Variants in PLEKHG5 observed in about 807,000 individuals in gnomAD.
PLEKHG5 encodes the protein pleckstrin homology domain-containing family G member 5.
In PLEKHG5, 52 loss-of-function variants were observed where a neutral mutation model predicts 103.8. The observed-to-expected ratio is 0.50, with a 90% CI of 0.40 to 0.63. PLEKHG5 has a LOEUF of 0.63. Among genes scored for constraint, PLEKHG5 ranks in the 30% least tolerant of loss-of-function variants. PLEKHG5 has a pLI of 0.00. For synonymous variants in PLEKHG5, 592 were observed against 575.5 expected (o/e 1.03, Z -0.41); for missense variants, 1,205 against 1,347.6 (o/e 0.89, Z 1.66).
At chr1:6,511,546 C>G (rs1172020208) in intron 1 of PLEKHG5, among the ~76,000 whole-genome samples, 6 of 152,250 alleles carry the variant, frequency 3.9e-5, no homozygotes, top group Non-Finnish European at 7.3e-5. Flanking sequence ...GCCCCCAAGA[C>G]AGGAGGGATC....
chr1:6,475,274 C>CT (rs1258707053), intron 4 of PLEKHG5, 136 bp from the exon 5 acceptor site: 6 of 659,544 alleles, frequency 9.1e-6, no homozygotes, highest in Admixed American at 8.4e-5. Context: ...CCCAACCCTC[C>CT]TCCCCACCCT....
intron 6 of PLEKHG5, 100 bp from the exon 7 acceptor site, chr1:6,474,264 G>T: frequency 6.8e-7 from 1 of 1,460,148 alleles, no homozygotes; most frequent in Non-Finnish European, 9.4e-7. Context: ...AGGCCTGCCT[G>T]CCCTCCCCCG....
intron 1 of PLEKHG5, among the ~76,000 whole-genome samples, chr1:6,478,832 C>G (rs1557752510): frequency 6.6e-6 from 1 of 152,050 alleles, no homozygotes; most frequent in African/African-American, 2.4e-5. Flanking sequence ...TTAGTAGAGA[C>G]GGAGTTTCAC....
upstream of PLEKHG5, chr1:6,497,254 G>A (rs1352965654): frequency 1.1e-6 from 1 of 888,678 alleles, no homozygotes; most frequent in Non-Finnish European, 1.8e-6. This position sits in a 1 kb window ranked among gnomAD's most constrained non-coding sequence, Gnocchi z 6.1. Context: ...CCCCGGAGGA[G>A]GTTAGGAGCC....
chr1:6,511,542 A>G (rs1428717288), intron 1 of PLEKHG5, among the ~76,000 whole-genome samples: 2 of 152,210 alleles, frequency 1.3e-5, no homozygotes, highest in East Asian at 1.9e-4. Context: ...CACCGCCCCC[A>G]AGACAGGAGG....
chr1:6,487,051 C>T lies in PLEKHG5; in HGVS notation c.-88+4586G>A, dbSNP rs1645054888. ...ATTAGAGGCTGGGAGACTTCCAGGG[C>T]TGTCTCCACTCCCAAAGCCCAGGTC... On this transcript the variant is annotated intron_variant, in intron 1 of 20. Coordinates refer to ENST00000377728, the MANE Select transcript of PLEKHG5 (RefSeq NM_020631.6). The surrounding 1 kb of genome is among the most constrained non-coding windows in gnomAD (Gnocchi z 4.1). Among the ~76,000 whole-genome samples, 1 of 152,206 alleles carries T rather than the reference C, an allele frequency of 6.6e-6. No individual in the cohort carries two copies. The highest frequency in any genetic ancestry group is 2.4e-5 in the African/African-American group (1 of 41,454).
In PLEKHG5 at chr1:6,475,897, C is replaced by T. The variant is rs1644752792; in HGVS notation, c.149+34G>A. On this transcript the variant is annotated intron_variant, in intron 3 of 20. Transcript: ENST00000377728. Reference sequence around the variant, plus strand: ...TCTGAGACCCAGCCGTGGGGCCCTCCAGGTATCTCTCTGCCCACTCATCCC... The same window carrying T: ...TCTGAGACCCAGCCGTGGGGCCCTCTAGGTATCTCTCTGCCCACTCATCCC... 5 of 1,546,724 alleles carry T rather than the reference C, an allele frequency of 3.2e-6. No individual in the cohort carries two copies. The South Asian group carries it at 5.6e-5, about 17-fold the overall frequency.
Position 6,467,510 on chromosome 1 carries a change from GC to G in PLEKHG5, c.*52del, listed in dbSNP as rs1469578115. On this transcript the variant is annotated 3_prime_UTR_variant, in exon 21 of 21. Coordinates refer to ENST00000377728, the MANE Select transcript of PLEKHG5 (RefSeq NM_020631.6). ...AGCAGGTGCCGGCACGCCCCAGGAG[GC>G]AGGCTGTCTGCTGTCTCTTGGTCAA... 1 of 1,582,974 alleles carries G rather than the reference GC, an allele frequency of 6.3e-7. No individual in the cohort carries two copies. The highest frequency in any genetic ancestry group is 8.7e-7 in the Non-Finnish European group (1 of 1,152,158).
upstream of PLEKHG5, chr1:6,497,348 GGGCGGGC>G (rs1399343441): frequency 1.3e-5 from 14 of 1,045,550 alleles, no homozygotes; most frequent in Non-Finnish European, 1.6e-5. The surrounding 1 kb of genome is among the most constrained non-coding windows in gnomAD (Gnocchi z 6.1). Flanking sequence ...GCCGCGCGGG[GGGCGGGC>G]GGCGGGCGGG....
intron 1 of PLEKHG5, 29 bp from the exon 2 acceptor site, chr1:6,477,687 G>T: frequency 6.3e-7 from 1 of 1,599,218 alleles, no homozygotes; most frequent in Admixed American, 1.7e-5. Flanking sequence ...CCTTCAGGAG[G>T]TCCACGAGAT....
At chr1:6,497,639 CCTGGAGGGT>C (rs2148628586), upstream of PLEKHG5, among the ~76,000 whole-genome samples, 2 of 152,214 alleles carry the variant, frequency 1.3e-5, no homozygotes, top group Admixed American at 1.3e-4. The surrounding 1 kb of genome is among the most constrained non-coding windows in gnomAD (Gnocchi z 6.1). Flanking sequence ...ACGGCTCTGT[CCTGGAGGGT>C]GCCATCCACG....
At position 6,468,354 on chromosome 1, in the gene PLEKHG5, G is replaced by A; in HGVS notation, c.2482C>T (p.Gln828Ter). 1 of 1,609,352 alleles carries A rather than the reference G, an allele frequency of 6.2e-7. No individual in the cohort carries two copies. The highest frequency in any genetic ancestry group is 8.5e-7 in the Non-Finnish European group (1 of 1,178,382). Residue 828 changes from glutamine to a stop codon, truncating the protein, a stop_gained, in exon 20 of 21, where the codon CAA becomes TAA. Coordinates refer to ENST00000377728, the MANE Select transcript of PLEKHG5 (RefSeq NM_020631.6). LOFTEE classifies it high-confidence loss of function. ...ATTGGGCCTGGGGCCACAAAGTCTT[G>A]TAAGGAGGTTGGGGAGAGGGTGCCG... ...AYGTLSPTSL[Q>*]DFVAPGPMAE...
At position 6,487,311 on chromosome 1, in the gene PLEKHG5, C is replaced by T. The variant is rs374418252; in HGVS notation, c.-88+4326G>A. ...TTGTATTTTAGTAGAGATGGGGTTT[C>T]GCCATGTTGACCAGGCTGGTCACTA... On this transcript the variant is annotated intron_variant, in intron 1 of 20. Transcript: ENST00000377728. This position sits in a 1 kb window ranked among gnomAD's most constrained non-coding sequence, Gnocchi z 4.1. 1.3e-3 allele frequency among the ~76,000 whole-genome samples: 202 copies of T among 152,280 alleles called. No homozygotes were observed. The highest frequency in any genetic ancestry group is 4.7e-3 in the African/African-American group (194 of 41,554).
intron 1 of PLEKHG5, among the ~76,000 whole-genome samples, chr1:6,503,890 G>A (rs1004176318): frequency 1.8e-4 from 27 of 152,074 alleles, no homozygotes; most frequent in African/African-American, 6.0e-4. Flanking sequence ...CATCTGAGCC[G>A]TGAGGGCATC....
intron 4 of PLEKHG5, 36 bp downstream of exon 4, chr1:6,475,426 G>A (rs1355533606): frequency 6.3e-7 from 1 of 1,591,670 alleles, no homozygotes; most frequent in Non-Finnish European, 8.6e-7. Context: ...CAGGCTGTAG[G>A]GAACCCGCAT....
At chr1:6,483,365 G>A (rs968862556) in intron 1 of PLEKHG5, among the ~76,000 whole-genome samples, 2 of 152,238 alleles carry the variant, frequency 1.3e-5, no homozygotes, top group Non-Finnish European at 2.9e-5. Flanking sequence ...CTTCAACTGT[G>A]CTTGTGGGGC....
At chr1:6,489,278 C>A (rs1340159614) in intron 1 of PLEKHG5, among the ~76,000 whole-genome samples, 3 of 152,180 alleles carry the variant, frequency 2.0e-5, no homozygotes, top group African/African-American at 7.2e-5. Context: ...CGGCTCTCTA[C>A]GCTCCACCCG....
intron 1 of PLEKHG5, among the ~76,000 whole-genome samples, chr1:6,510,116 G>A (rs1196511780): frequency 6.6e-6 from 1 of 152,216 alleles, no homozygotes; most frequent in Non-Finnish European, 1.5e-5. Context: ...CGGCTCTCAT[G>A]AGAAGCACCC....
Position 6,467,933 on chromosome 1 carries a change from AC to A in PLEKHG5, c.2902del (p.Val968SerfsTer16), listed in dbSNP as rs773188120. 18 of 1,586,770 alleles carry A rather than the reference AC, an allele frequency of 1.1e-5. No homozygotes were observed. Among genetic ancestry groups the A allele is most frequent in the African/African-American group, 1.1e-4 (8 of 74,154 alleles). ...GACCCCTGGTGGGGGCTCAGGCTGGACCCTGGGAGAGGCCCCCGAGGGCAGG... is the reference window on the plus strand; with the variant it reads ...GACCCCTGGTGGGGGCTCAGGCTGGACCTGGGAGAGGCCCCCGAGGGCAGG... Reference protein sequence around the residue: ...GDLPSGASPRVQPEPPPGVSA... With the variant: ...GDLPSGASPRXQPEPPPGVSA... On this transcript the variant is annotated frameshift_variant, in exon 20 of 21. Coordinates refer to ENST00000377728, the MANE Select transcript of PLEKHG5 (RefSeq NM_020631.6). LOFTEE classifies it high-confidence loss of function.
Sources: gnomAD v4.1 joint callset for allele counts (sites outside exome capture counted in the v4.1 genomes callset) on GRCh38, gnomAD v4.1.1 for gene constraint, Gnocchi (gnomAD v3.1) non-coding constraint, MANE v1.5 for transcripts, NCBI Gene and HGNC (gene_info 2026-07-23, HGNC 2026-07-21) for gene names.